GATA6: variants seen among roughly 807,000 people sequenced by gnomAD.
GATA6 encodes the protein transcription factor GATA-6.
GATA6 carries 11 observed loss-of-function variants against 48.1 expected under a neutral mutation model. The observed-to-expected ratio is 0.23, with a 90% confidence interval of 0.14 to 0.38. The LOEUF (loss-of-function observed/expected upper bound fraction) is 0.38, where lower values mean the gene tolerates loss of function less well. Among genes scored for constraint, GATA6 ranks in the 10% least tolerant of loss-of-function variants. GATA6 has a pLI of 1.00. For synonymous variants in GATA6, 419 were observed against 396.1 expected, an observed-to-expected ratio of 1.06 and a Z score of -0.69; for missense variants, 795 against 850.3, an observed-to-expected ratio of 0.93 and a Z score of 0.81.
intron 6 of GATA6, among the ~76,000 whole-genome samples, chr18:22,198,719 GGA>G (rs1319463952): frequency 6.6e-6 from 1 of 152,140 alleles, no homozygotes; most frequent in African/African-American, 2.4e-5. Flanking sequence ...TGCTTCTGGT[GGA>G]GTCTCTGGAA....
intron 3 of GATA6, 55 bp from the exon 4 acceptor site, chr18:22,181,398 A>AAT (rs554763771): frequency 2.2e-4 from 340 of 1,544,494 alleles, no homozygotes; most frequent in Middle Eastern, 8.4e-4. Flanking sequence ...GTATGTATGT[A>AAT]ATATATATAT....
rs767279089 is a variant in GATA6, at chr18:22,171,444, G to C, written c.300G>C (p.Ala100=). The C allele has an allele frequency of 6.3e-7, 1 of 1,594,106 alleles. No individual in the cohort carries two copies. The highest frequency in any genetic ancestry group is 8.5e-7 in the Non-Finnish European group (1 of 1,177,356). The change falls in exon 2 of 7, where the codon GCG becomes GCC. Residue 100 remains alanine (A), a synonymous_variant. Coordinates refer to ENST00000269216, the MANE Select transcript of GATA6 (RefSeq NM_005257.6). This position sits in a 1 kb window ranked among gnomAD's most constrained non-coding sequence, Gnocchi z 7.1. ...ACGGACCTTCGGCGCCTGGGGTCGC[G>C]GGCCCCGGGGGCAACCTGTCGAGCT... ...APHGPSAPGV[A]GPGGNLSSWE...
chr18:22,175,268 T>A (rs1217915839), intron 2 of GATA6, among the ~76,000 whole-genome samples: 1 of 152,188 alleles, frequency 6.6e-6, no homozygotes, highest in East Asian at 1.9e-4. Context: ...GTTGTATTTA[T>A]CCAAAGTGGA....
chr18:22,200,882 G>C lies in GATA6; in HGVS notation c.*59G>C, dbSNP rs978000495. The C allele has an allele frequency of 6.5e-7, 1 of 1,544,500 alleles. No individual in the cohort carries two copies. The highest frequency in any genetic ancestry group is 1.4e-5 in the African/African-American group (1 of 73,554). On this transcript the variant is annotated 3_prime_UTR_variant, in exon 7 of 7. Coordinates refer to ENST00000269216, the MANE Select transcript of GATA6 (RefSeq NM_005257.6). ...CGCGGGCCTCACTCCACTCGTGTCT[G>C]CTTTTGTGCAGCGGTCCAGACAGTG... is the stretch of plus-strand genomic sequence containing the variant.
rs1170674740 is a variant in GATA6, at chr18:22,201,328, T to G, written c.*505T>G. The G allele has an allele frequency of 6.0e-6, 1 of 166,970 alleles. No individual in the cohort carries two copies. Among genetic ancestry groups the G allele is most frequent in the African/African-American group, 2.4e-5 (1 of 41,796 alleles). 10.3% of individuals were successfully genotyped at this position (166,970 alleles called of 1,614,324 possible). On this transcript the variant is annotated 3_prime_UTR_variant, in exon 7 of 7. Transcript: ENST00000269216. ...CTCTTATCAAAAATATTACTCAGTTTGCAAGACTGCATTGTAACTTTAACA... is the reference window on the plus strand; with the variant it reads ...CTCTTATCAAAAATATTACTCAGTTGGCAAGACTGCATTGTAACTTTAACA...
intron 3 of GATA6, among the ~76,000 whole-genome samples, chr18:22,180,607 AATAG>A (rs1291528715): frequency 2.0e-5 from 3 of 152,216 alleles, no homozygotes; most frequent in African/African-American, 7.2e-5. Context: ...TCCTTTGTAA[AATAG>A]ATAAAACAAA....
intron 4 of GATA6, among the ~76,000 whole-genome samples, chr18:22,182,263 C>A (rs2033206588): frequency 6.6e-6 from 1 of 151,982 alleles, no homozygotes. Context: ...CTGAAGGAAT[C>A]TCTGCATTTG....
At chr18:22,173,434 G>A (rs925707034) in intron 2 of GATA6, among the ~76,000 whole-genome samples, 1 of 152,122 alleles carries the variant, frequency 6.6e-6, no homozygotes, top group Non-Finnish European at 1.5e-5. Flanking sequence ...CCGGTGTCTT[G>A]TGTATCCCAG....
At chr18:22,184,337 G>GTT (rs1205844565) in intron 6 of GATA6, among the ~76,000 whole-genome samples, 5 of 141,830 alleles carry the variant, frequency 3.5e-5, no homozygotes, top group African/African-American at 1.3e-4. Context: ...CCTTTTAGTT[G>GTT]TTTTTTTTTT....
Position 22,170,157 on chromosome 18 carries a change from G to T in GATA6, c.-38+475G>T, listed in dbSNP as rs2143269954. ...CTGCTCTCCCATTTGGGGTCGCCTC[G>T]GCTCTGGGGCGGTCTCACGCTCCCC... On this transcript the variant is annotated intron_variant, in intron 1 of 6. Transcript: ENST00000269216. This position sits in a 1 kb window ranked among gnomAD's most constrained non-coding sequence, Gnocchi z 6.7. Among the ~76,000 whole-genome samples the T allele has an allele frequency of 6.6e-6, 1 of 152,234 alleles. No homozygotes were observed. Among genetic ancestry groups the T allele is most frequent in the Middle Eastern group, 3.4e-3 (1 of 292 alleles).
Position 22,202,205 on chromosome 18 carries a change from A to G in GATA6, c.*1382A>G, listed in dbSNP as rs1282133710. On this transcript the variant is annotated 3_prime_UTR_variant, in exon 7 of 7. Coordinates refer to ENST00000269216, the MANE Select transcript of GATA6 (RefSeq NM_005257.6). ...ATGTGCATTGGGGACAGTTTTTATA[A>G]GTGGGAAGGACTCAGTATTATTATA... is the stretch of plus-strand genomic sequence containing the variant. The G allele has an allele frequency of 2.0e-5, 3 of 152,290 alleles. No individual in the cohort carries two copies. The East Asian group carries it at 5.8e-4, about 29-fold the overall frequency. The allele number at this position is 152,290 out of a possible 1,614,324, so 9.4% of individuals were successfully genotyped here.
chr18:22,178,368 GA>G (rs1303190840), intron 3 of GATA6, among the ~76,000 whole-genome samples: 2 of 152,168 alleles, frequency 1.3e-5, no homozygotes, highest in Non-Finnish European at 2.9e-5. Flanking sequence ...CTGTAATAGA[GA>G]AAATAAAGGA....
chr18:22,172,617 G>A lies in GATA6; in HGVS notation c.1135+338G>A, dbSNP rs1295419024. On this transcript the variant is annotated intron_variant, in intron 2 of 6. Transcript: ENST00000269216. The surrounding 1 kb of genome is among the most constrained non-coding windows in gnomAD (Gnocchi z 5.2). ...ATTGGGGAAAAACGAGGCTGGGAGG[G>A]AACTAACAGCGCTTGAGCCCCATCG... Among the ~76,000 whole-genome samples the A allele has an allele frequency of 1.3e-5, 2 of 152,174 alleles. No individual in the cohort carries two copies.
At position 22,202,469 on chromosome 18, in the gene GATA6, GAGTAGATTTC is replaced by G. The variant is rs1271967213; in HGVS notation, c.*1649_*1658del. 12 of 152,246 alleles carry G rather than the reference GAGTAGATTTC, an allele frequency of 7.9e-5. No homozygotes were observed. The highest frequency in any genetic ancestry group is 7.8e-4 in the Admixed American group (12 of 15,288). 9.4% of individuals were successfully genotyped at this position (152,246 alleles called of 1,614,324 possible). A position where few individuals can be genotyped will look rare whatever the true frequency, so the allele number is the denominator to read the frequency against. Reference sequence around the variant, plus strand: ...GCCTCTTTGTATTTTCTTCATTGTTGAGTAGATTTCAGGAAATCAGGAGGTGTTTCACAAT... The same window carrying G: ...GCCTCTTTGTATTTTCTTCATTGTTGAGGAAATCAGGAGGTGTTTCACAAT... On this transcript the variant is annotated 3_prime_UTR_variant, in exon 7 of 7. Transcript: ENST00000269216.
At chr18:22,177,964 T>G (rs55958737) in intron 3 of GATA6, among the ~76,000 whole-genome samples, 4,385 of 136,148 alleles carry the variant, frequency 0.032, 116 homozygotes, top group Non-Finnish European at 0.046. Context: ...TTTTTTTTTT[T>G]TTTTTTTTTT....
intron 6 of GATA6, among the ~76,000 whole-genome samples, chr18:22,189,182 A>C (rs1362804702): frequency 6.6e-6 from 1 of 152,116 alleles, no homozygotes; most frequent in Admixed American, 6.5e-5. Flanking sequence ...GTCACTCCTG[A>C]GCTGCGTGGT....
chr18:22,198,584 G>A (rs919787951), intron 6 of GATA6, among the ~76,000 whole-genome samples: 4 of 152,200 alleles, frequency 2.6e-5, no homozygotes, highest in Admixed American at 6.5e-5. Context: ...AAAGTTGGAC[G>A]TGAGATGTAT....
chr18:22,200,636 G>T lies in GATA6; in HGVS notation c.1621-20G>T, dbSNP rs201505018. 21 of 1,614,212 alleles carry T rather than the reference G, an allele frequency of 1.3e-5. No homozygotes were observed. In the African/African-American group the frequency reaches 2.3e-4, roughly 17 times the overall value. On this transcript the variant is annotated intron_variant, in intron 6 of 6. Transcript: ENST00000269216. ...CTTCTCACCTTCTCGTCTCTCCTCT[G>T]TGTCCCCCTCTTCTGCCAGGCGGGT...
chr18:22,174,978 G>C (rs901204380), intron 2 of GATA6, among the ~76,000 whole-genome samples: 1 of 151,924 alleles, frequency 6.6e-6, no homozygotes, highest in Non-Finnish European at 1.5e-5. Context: ...CTGTGTCTTG[G>C]TACCACACAC....
Sources: gnomAD v4.1 joint callset for allele counts (sites outside exome capture counted in the v4.1 genomes callset) on GRCh38, gnomAD v4.1.1 for gene constraint, Gnocchi (gnomAD v3.1) non-coding constraint, MANE v1.5 for transcripts, NCBI Gene and HGNC (gene_info 2026-07-23, HGNC 2026-07-21) for gene names.